MBNL1: variants seen among roughly 807,000 people sequenced by gnomAD.
MBNL1 encodes the protein muscleblind-like protein 1.
Under a neutral mutation model 42.2 loss-of-function variants are expected in MBNL1, and 8 were observed. The ratio of observed to expected loss-of-function variants is 0.19; its 90% confidence interval spans 0.11 to 0.34. The LOEUF (loss-of-function observed/expected upper bound fraction) is 0.34. MBNL1 is among the 10% of genes least tolerant of loss of function. MBNL1 has a pLI of 1.00. For synonymous variants in MBNL1, 169 were observed against 173.9 expected, an observed-to-expected ratio of 0.97 and a Z score of 0.22; for missense variants, 309 against 495.3, an observed-to-expected ratio of 0.62 and a Z score of 3.57.
chr3:152,268,596 G>C (rs1006627652), upstream of MBNL1: 8 of 375,564 alleles, frequency 2.1e-5, no homozygotes, highest in African/African-American at 1.5e-4. Context: ...TTACAATGCT[G>C]AACGCATGAG....
intron 2 of MBNL1, among the ~76,000 whole-genome samples, chr3:152,385,328 A>G (rs1391243794): frequency 6.6e-6 from 1 of 152,058 alleles, no homozygotes; most frequent in Non-Finnish European, 1.5e-5. Flanking sequence ...CCCACAGGGT[A>G]TAGAGAAAGG....
chr3:152,362,741 T>A (rs2096068479), intron 2 of MBNL1, among the ~76,000 whole-genome samples: 1 of 152,306 alleles, frequency 6.6e-6, no homozygotes, highest in South Asian at 2.1e-4. Context: ...AAAGTGCCCC[T>A]GCTTGAGAAC....
At chr3:152,322,034 T>C (rs2076759998) in intron 2 of MBNL1, among the ~76,000 whole-genome samples, 1 of 146,934 alleles carries the variant, frequency 6.8e-6, no homozygotes, top group African/African-American at 2.5e-5. Flanking sequence ...GTTATTATAG[T>C]ATAGATATTT....
chr3:152,264,312 G>T (rs1326446896), upstream of MBNL1: 1 of 151,886 alleles, frequency 6.6e-6, no homozygotes, highest in Non-Finnish European at 1.5e-5. Context: ...GTCATTGTGT[G>T]AAAAGTGTTT....
At chr3:152,348,794 C>T (rs2094584253) in intron 2 of MBNL1, among the ~76,000 whole-genome samples, 1 of 151,968 alleles carries the variant, frequency 6.6e-6, no homozygotes, top group East Asian at 1.9e-4. Context: ...AGACAGAGTA[C>T]TTTGTACTTT....
At chr3:152,369,207 AT>A (rs2096556294) in intron 2 of MBNL1, among the ~76,000 whole-genome samples, 1 of 152,034 alleles carries the variant, frequency 6.6e-6, no homozygotes, top group Admixed American at 6.6e-5. Context: ...TTCTTGAGAG[AT>A]TTTAGCATGA....
At chr3:152,256,571 C>T (rs2035471491) in intron 2 of MBNL1, among the ~76,000 whole-genome samples, 1 of 152,106 alleles carries the variant, frequency 6.6e-6, no homozygotes, top group African/African-American at 2.4e-5. Context: ...TAATTATATT[C>T]CCTATGATTT....
chr3:152,393,611 C>T (rs905835084), intron 2 of MBNL1, among the ~76,000 whole-genome samples: 3 of 152,182 alleles, frequency 2.0e-5, no homozygotes. Context: ...GAGTGTTTCT[C>T]ATGAAGTTAC....
At position 152,268,992 on chromosome 3, in the gene MBNL1, A is replaced by C. The variant is rs1181991328; in HGVS notation, c.-890A>C. Reference sequence around the variant, plus strand: ...AATGCTCCCATGACAAGGAGCTGACAAGTTCCATTTTCCGTCGCGGGCATC... The same window carrying C: ...AATGCTCCCATGACAAGGAGCTGACCAGTTCCATTTTCCGTCGCGGGCATC... On this transcript the variant is annotated 5_prime_UTR_variant, in exon 1 of 10. Transcript: ENST00000324210. The C allele has an allele frequency of 2.2e-6, 1 of 456,026 alleles. No homozygotes were observed. Among genetic ancestry groups the C allele is most frequent in the Non-Finnish European group, 4.4e-6 (1 of 226,938 alleles). 28.2% of individuals were successfully genotyped at this position (456,026 alleles called of 1,614,324 possible).
intron 2 of MBNL1, among the ~76,000 whole-genome samples, chr3:152,302,965 C>A (rs1305501326): frequency 6.6e-6 from 1 of 151,520 alleles, no homozygotes; most frequent in East Asian, 1.9e-4. Context: ...TGGCCAGGCT[C>A]CCAGGTGACT....
intron 2 of MBNL1, among the ~76,000 whole-genome samples, chr3:152,382,110 AT>A (rs1386229913): frequency 2.0e-5 from 3 of 152,072 alleles, no homozygotes; most frequent in Non-Finnish European, 4.4e-5. Flanking sequence ...AGGTGGTAAT[AT>A]TCAACCAAGT....
At chr3:152,284,293 C>T (rs2050274627) in intron 1 of MBNL1, among the ~76,000 whole-genome samples, 2 of 151,954 alleles carry the variant, frequency 1.3e-5, no homozygotes, top group South Asian at 4.1e-4. Context: ...TGTAATTTTT[C>T]TCAAAGGAAA....
rs142132482 is a variant in MBNL1, at chr3:152,332,770, A to G, written c.174+32403A>G. On this transcript the variant is annotated intron_variant, in intron 2 of 9. Coordinates refer to ENST00000324210, the MANE Select transcript of MBNL1 (RefSeq NM_021038.5). ...CGCGCATGCGCACACACTAGTTTAT[A>G]TTAGGTTAGAGTTTAAAAAAAGCTG... is the stretch of plus-strand genomic sequence containing the variant. Among the ~76,000 whole-genome samples the G allele has an allele frequency of 1.4e-4, 21 of 151,080 alleles. No individual in the cohort carries two copies. In the East Asian group the frequency reaches 3.5e-3, roughly 25 times the overall value.
chr3:152,352,449 G>A (rs1217572258), intron 2 of MBNL1, among the ~76,000 whole-genome samples: 1 of 152,128 alleles, frequency 6.6e-6, no homozygotes, highest in Non-Finnish European at 1.5e-5. Context: ...CTCTAGGGCT[G>A]CCTTGAACCA....
chr3:152,307,316 C>T (rs951374043), intron 2 of MBNL1, among the ~76,000 whole-genome samples: 3 of 152,152 alleles, frequency 2.0e-5, no homozygotes, highest in Non-Finnish European at 4.4e-5. Flanking sequence ...TAAACAGTCA[C>T]ATTTTTATAA....
At chr3:152,373,427 G>A (rs1432331424) in intron 2 of MBNL1, among the ~76,000 whole-genome samples, 12 of 151,994 alleles carry the variant, frequency 7.9e-5, no homozygotes, top group Non-Finnish European at 8.8e-5. Context: ...TGAAACCCAG[G>A]GCCCTGGTAG....
chr3:152,376,163 T>G (rs2096890174), intron 2 of MBNL1, among the ~76,000 whole-genome samples: 1 of 152,218 alleles, frequency 6.6e-6, no homozygotes, highest in African/African-American at 2.4e-5. Flanking sequence ...GTTTTTAGTT[T>G]TAAGTGTAGT....
chr3:152,352,885 G>A (rs2095182345), intron 2 of MBNL1, among the ~76,000 whole-genome samples: 1 of 152,132 alleles, frequency 6.6e-6, no homozygotes, highest in Admixed American at 6.6e-5. Context: ...TTTTAATTTG[G>A]ACATTAGGCT....
In MBNL1 at chr3:152,407,209, C is replaced by CTTTTTTTTT. The variant is rs60509782; in HGVS notation, c.175-7714_175-7706dup. Among the ~76,000 whole-genome samples, 40 of 54,346 alleles carry CTTTTTTTTT rather than the reference C, an allele frequency of 7.4e-4. 1 individual carries two copies. Among genetic ancestry groups the CTTTTTTTTT allele is most frequent in the Non-Finnish European group, 1.2e-3 (29 of 24,482 alleles). The allele number at this position is 54,346 out of a possible 152,430, so 35.7% of individuals were successfully genotyped here. A position where few individuals can be genotyped will look rare whatever the true frequency, so the allele number is the denominator to read the frequency against. On this transcript the variant is annotated intron_variant, in intron 2 of 9. Transcript: ENST00000324210. The stretch of plus-strand genomic sequence containing the variant: ...GGGATTATATCAGTGGAAATATGTT[C>CTTTTTTTTT]TTTTTTTTTTTTTTTTTTTTTTTTT...
Sources: gnomAD v4.1 joint callset for allele counts (sites outside exome capture counted in the v4.1 genomes callset) on GRCh38, gnomAD v4.1.1 for gene constraint, MANE v1.5 for transcripts, NCBI Gene and HGNC (gene_info 2026-07-23, HGNC 2026-07-21) for gene names.